WASHC2C: variants seen among roughly 807,000 people sequenced by gnomAD.
WASHC2C encodes the protein WASH complex subunit 2C, also known as Vaccinia Penetration Factor.
A neutral mutation model predicts 142.2 loss-of-function variants in WASHC2C; 73 were observed. The observed-to-expected ratio is 0.51, with a 90% CI of 0.43 to 0.62. WASHC2C has a LOEUF of 0.62. Among genes scored for constraint, WASHC2C ranks in the 20% least tolerant of loss-of-function variants. WASHC2C has a pLI of 0.00. For missense variants in WASHC2C, 969 were observed against 1,531.7 expected, an observed-to-expected ratio of 0.63 and a Z score of 6.13; for synonymous variants, 337 against 565.5, an observed-to-expected ratio of 0.60 and a Z score of 5.73.
At position 45,786,355 on chromosome 10, in the gene WASHC2C, CT is replaced by C. The variant is rs1589955592; in HGVS notation, c.2812-255del. On this transcript the variant is annotated intron_variant, in intron 26 of 30. Coordinates refer to ENST00000623400, the MANE Select transcript of WASHC2C (RefSeq NM_001330074.2). ...TTAGGTGCTCTGATAAACTGTGACT[CT>C]TGGGAATCTTACTCATCTTGTATTC... The C allele has an allele frequency of 5.1e-6, 3 of 587,584 alleles. No individual in the cohort carries two copies. In the East Asian group the frequency reaches 8.9e-5, roughly 17 times the overall value. The allele number at this position is 587,584 out of a possible 1,614,324, so 36.4% of individuals were successfully genotyped here. A position where few individuals can be genotyped will look rare whatever the true frequency, so the allele number is the denominator to read the frequency against.
intron 8 of WASHC2C, among the ~76,000 whole-genome samples, chr10:45,749,857 T>TATTTATATTTA (rs2053367253): frequency 2.6e-4 from 23 of 88,804 alleles, no homozygotes; most frequent in African/African-American, 1.0e-3. Context: ...ATATATATAT[T>TATTTATATTTA]TATATATATA....
Position 45,752,722 on chromosome 10 carries a change from C to A in WASHC2C, c.1122+16C>A, listed in dbSNP as rs782382012. 1 of 1,606,016 alleles carries A rather than the reference C, an allele frequency of 6.2e-7. No individual in the cohort carries two copies. The highest frequency in any genetic ancestry group is 2.2e-5 in the East Asian group (1 of 44,646). On this transcript the variant is annotated intron_variant, in intron 12 of 30. Coordinates refer to ENST00000623400, the MANE Select transcript of WASHC2C (RefSeq NM_001330074.2). ...GGACGAGGAGGTGAGTCCATGGCAC[C>A]CAGCAACACTCCCTGCAGCTAGCTG...
rs542941036 is a variant in WASHC2C at position 45,763,874 on chromosome 10, G to A, written c.1737+385G>A. 2.2e-3 allele frequency among the ~76,000 whole-genome samples: 333 copies of A among 152,200 alleles called. 1 individual carries two copies. The highest frequency in any genetic ancestry group is 3.6e-3 in the Non-Finnish European group (244 of 68,000). On this transcript the variant is annotated intron_variant, in intron 18 of 30. Transcript: ENST00000623400. ...GCACCACCACTCCCGGCTAATTTTT[G>A]TATTGTTAGTAGAGACAGGGTTTCA... is the stretch of plus-strand genomic sequence containing the variant.
At chr10:45,762,504 CT>C (rs1273461239) in intron 17 of WASHC2C, among the ~76,000 whole-genome samples, 1 of 152,172 alleles carries the variant, frequency 6.6e-6, no homozygotes, top group Non-Finnish European at 1.5e-5. Flanking sequence ...CTGAAAGTTT[CT>C]TTAGAATCTA....
At chr10:45,760,067 T>C (rs1460012746) in intron 17 of WASHC2C, among the ~76,000 whole-genome samples, 3 of 148,518 alleles carry the variant, frequency 2.0e-5, no homozygotes, top group East Asian at 2.1e-4. Flanking sequence ...CGTGGCTTAA[T>C]GCTGTAGCAG....
chr10:45,761,407 G>T (rs1382563524), intron 17 of WASHC2C, among the ~76,000 whole-genome samples: 2 of 152,200 alleles, frequency 1.3e-5, no homozygotes, highest in Non-Finnish European at 2.9e-5. Flanking sequence ...GGCCCATCCA[G>T]GTTTATGGGG....
rs2053979787 is a variant in WASHC2C, at chr10:45,754,337, T to A, written c.1181-149T>A. Reference sequence around the variant, plus strand: ...CTGACATCGGTAGAGAAGAAAATACTAAGGAATTTTAAAATGGCTTGTTCA... The same window carrying A: ...CTGACATCGGTAGAGAAGAAAATACAAAGGAATTTTAAAATGGCTTGTTCA... On this transcript the variant is annotated intron_variant, in intron 13 of 30. Coordinates refer to ENST00000623400, the MANE Select transcript of WASHC2C (RefSeq NM_001330074.2). 2.8e-5 allele frequency: 43 copies of A among 1,511,558 alleles called. No individual in the cohort carries two copies. In the South Asian group the frequency reaches 5.1e-4, roughly 18 times the overall value. The allele number at this position is 1,511,558 out of a possible 1,614,324, so 93.6% of individuals were successfully genotyped here. A position where few individuals can be genotyped will look rare whatever the true frequency, so the allele number is the denominator to read the frequency against.
chr10:45,763,115 C>G (rs2055342716), intron 17 of WASHC2C, among the ~76,000 whole-genome samples: 1 of 151,992 alleles, frequency 6.6e-6, no homozygotes, highest in African/African-American at 2.4e-5. Context: ...CTTATTCCTG[C>G]CTTCTGTCAT....
intron 23 of WASHC2C, among the ~76,000 whole-genome samples, chr10:45,784,250 GTGTA>G (rs1298981266): frequency 8.9e-5 from 2 of 22,556 alleles, no homozygotes; most frequent in African/African-American, 2.4e-4. Flanking sequence ...ATGTGTGTGT[GTGTA>G]TATATATATA....
In WASHC2C at chr10:45,747,329, A is replaced by T. The variant is rs139436853; in HGVS notation, c.732+682A>T. 3.6e-3 allele frequency among the ~76,000 whole-genome samples: 548 copies of T among 152,100 alleles called. 13 individuals are homozygous for T. In the East Asian group the frequency reaches 0.049, roughly 14 times the overall value. On this transcript the variant is annotated intron_variant, in intron 8 of 30. Coordinates refer to ENST00000623400, the MANE Select transcript of WASHC2C (RefSeq NM_001330074.2). ...CCAATTTTTTTTGTATTTTTAGTAG[A>T]GATGGGGTTTCACCATGTTGGCCAG...
intron 16 of WASHC2C, among the ~76,000 whole-genome samples, chr10:45,757,346 T>C (rs1206606989): frequency 2.7e-5 from 4 of 148,114 alleles, no homozygotes; most frequent in African/African-American, 1.0e-4. Context: ...TTTATGGATG[T>C]AAACCTTGTT....
At position 45,789,505 on chromosome 10, in the gene WASHC2C, A is replaced by G. The variant is rs1482706916; in HGVS notation, c.3708+14A>G. 2 of 1,611,928 alleles carry G rather than the reference A, an allele frequency of 1.2e-6. No individual in the cohort carries two copies. The highest frequency in any genetic ancestry group is 1.7e-6 in the Non-Finnish European group (2 of 1,179,868). ...GATATTTTTGAGGTAATAGGACTTA[A>G]CACGTTTTTGTGTCTGTTCTAAGTT... is the stretch of plus-strand genomic sequence containing the variant. On this transcript the variant is annotated intron_variant, in intron 29 of 30. Transcript: ENST00000623400.
rs190690783 is a variant in WASHC2C at position 45,728,719 on chromosome 10, A to C, written c.127-143A>C. 25 of 1,321,798 alleles carry C rather than the reference A, an allele frequency of 1.9e-5. No homozygotes were observed. In the East Asian group the frequency reaches 5.9e-4, roughly 31 times the overall value. The allele number at this position is 1,321,798 out of a possible 1,614,324, so 81.9% of individuals were successfully genotyped here. On this transcript the variant is annotated intron_variant, in intron 2 of 30. Transcript: ENST00000623400. ...GTACTCCAGCCCAGGCAACAGAGTG[A>C]AACTCTCTCTCAAAAAAAAAAAAAA...
chr10:45,738,598 G>T (rs1178132459), intron 4 of WASHC2C, among the ~76,000 whole-genome samples: 1 of 152,084 alleles, frequency 6.6e-6, no homozygotes, highest in African/African-American at 2.4e-5. Context: ...ATTATTACTT[G>T]TAACAGATGA....
At chr10:45,741,201 G>T (rs1564711658) in intron 5 of WASHC2C, among the ~76,000 whole-genome samples, 1 of 152,108 alleles carries the variant, frequency 6.6e-6, no homozygotes. Flanking sequence ...GCCTGCCTTG[G>T]CCTCCCAAAG....
chr10:45,771,269 G>C (rs553342069), intron 20 of WASHC2C, among the ~76,000 whole-genome samples: 6 of 150,764 alleles, frequency 4.0e-5, no homozygotes, highest in Admixed American at 4.0e-4. Flanking sequence ...GGAGGCTGAG[G>C]CAGGAGAATT....
intron 8 of WASHC2C, among the ~76,000 whole-genome samples, chr10:45,748,283 CT>C (rs1160119861): frequency 5.2e-3 from 300 of 57,188 alleles, no homozygotes; most frequent in East Asian, 0.027. Flanking sequence ...TTTTTCTTTC[CT>C]TTTTTTTTTT....
chr10:45,731,170 A>G (rs1389845607), intron 3 of WASHC2C, among the ~76,000 whole-genome samples: 3 of 144,666 alleles, frequency 2.1e-5, no homozygotes, highest in South Asian at 2.2e-4. Context: ...TTTCTGTCCA[A>G]TACTGGGGAT....
intron 8 of WASHC2C, among the ~76,000 whole-genome samples, chr10:45,747,047 A>C (rs2052920941): frequency 6.6e-6 from 1 of 152,198 alleles, no homozygotes; most frequent in African/African-American, 2.4e-5. Context: ...CGGTTATCTT[A>C]ATTTTTGAAT....
Sources: allele counts gnomAD v4.1 joint callset (sites outside exome capture counted in the v4.1 genomes callset), GRCh38; gene constraint gnomAD v4.1.1; transcripts MANE v1.5; gene names NCBI Gene and HGNC (gene_info 2026-07-23, HGNC 2026-07-21).